Variants in ZHX2 observed in about 807,000 individuals in gnomAD.
ZHX2 encodes zinc fingers and homeoboxes protein 2.
ZHX2 carries 6 observed loss-of-function variants against 21.9 expected under a neutral mutation model. The ratio of observed to expected loss-of-function variants is 0.27; its 90% CI spans 0.15 to 0.54. The LOEUF is 0.54. ZHX2 is among the 20% of genes least tolerant of loss of function. The pLI, the probability that ZHX2 is intolerant of heterozygous loss-of-function variation, is 0.95. For missense variants in ZHX2, 908 were observed against 1,090.7 expected (o/e 0.83, Z 2.36); for synonymous variants, 434 against 437.1 (o/e 0.99, Z 0.09).
At chr8:122,918,101 C>A (rs530904058) in intron 2 of ZHX2, among the ~76,000 whole-genome samples, 41 of 152,250 alleles carry the variant, frequency 2.7e-4, no homozygotes, top group African/African-American at 9.4e-4. Flanking sequence ...TCACTTTGAC[C>A]CAGGCACCAT....
At chr8:122,859,959 A>T (rs915946455) in intron 1 of ZHX2, among the ~76,000 whole-genome samples, 13 of 152,352 alleles carry the variant, frequency 8.5e-5, no homozygotes, top group African/African-American at 2.6e-4. Flanking sequence ...TAAGTTCTAT[A>T]TTGACATTAG....
At chr8:122,948,252 G>A (rs1044905139) in intron 2 of ZHX2, among the ~76,000 whole-genome samples, 1 of 152,152 alleles carries the variant, frequency 6.6e-6, no homozygotes, top group African/African-American at 2.4e-5. Context: ...AGGCCCATGG[G>A]AGAGGCCAGA....
chr8:122,803,711 C>G (rs571563688), intron 1 of ZHX2, among the ~76,000 whole-genome samples: 3 of 152,224 alleles, frequency 2.0e-5, no homozygotes, highest in Admixed American at 2.0e-4. Flanking sequence ...GCCTTCTTCA[C>G]TCTCTGAAAT....
At chr8:122,916,381 G>A (rs779630724) in intron 2 of ZHX2, among the ~76,000 whole-genome samples, 15 of 152,220 alleles carry the variant, frequency 9.9e-5, no homozygotes, top group South Asian at 2.1e-4. Flanking sequence ...TCCCCTTGGC[G>A]CCTGGAGGAA....
chr8:122,934,222 A>G (rs1812617768), intron 2 of ZHX2, among the ~76,000 whole-genome samples: 1 of 152,204 alleles, frequency 6.6e-6, no homozygotes, highest in Non-Finnish European at 1.5e-5. Flanking sequence ...CCAACCTCCT[A>G]CAACTGGAAG....
rs1819535006 is a variant in ZHX2 at position 122,875,132 on chromosome 8, TATATATATATATATATA to T, written c.-220+11594_-220+11610del. On this transcript the variant is annotated intron_variant, in intron 2 of 3. Transcript: ENST00000314393. ...TTTTAGAGGAAGGAAAACTCTGTTA[TATATATATATATATATA>T]TATATATATATATATATATATATAT... Among the ~76,000 whole-genome samples, 570 of 96,700 alleles carry T rather than the reference TATATATATATATATATA, an allele frequency of 5.9e-3. 69 individuals carry two copies. The highest frequency in any genetic ancestry group is 0.011 in the Middle Eastern group (2 of 178). The allele number at this position is 96,700 out of a possible 152,430, so 63.4% of individuals were successfully genotyped here. A position where few individuals can be genotyped will look rare whatever the true frequency, so the allele number is the denominator to read the frequency against.
chr8:122,853,005 A>T (rs905828096), intron 1 of ZHX2, among the ~76,000 whole-genome samples: 1 of 152,152 alleles, frequency 6.6e-6, no homozygotes, highest in Non-Finnish European at 1.5e-5. Flanking sequence ...AGAGCCAAGG[A>T]TATTCCCATT....
intron 1 of ZHX2, 41 bp from the exon 2 acceptor site, chr8:122,863,436 G>A (rs1340441129): frequency 6.6e-6 from 1 of 152,512 alleles, no homozygotes. Flanking sequence ...ACACCCAATT[G>A]CTCTGCCCTG....
chr8:122,911,353 C>A (rs1318562857), intron 2 of ZHX2, among the ~76,000 whole-genome samples: 8 of 152,104 alleles, frequency 5.3e-5, no homozygotes, highest in African/African-American at 4.8e-5. Flanking sequence ...GTCTTCTCAG[C>A]CCCTCCCTGT....
intron 1 of ZHX2, among the ~76,000 whole-genome samples, chr8:122,820,502 G>A (rs1818122068): frequency 6.6e-6 from 1 of 152,208 alleles, no homozygotes; most frequent in South Asian, 2.1e-4. Flanking sequence ...TGTCACTGGA[G>A]AGTTGACAGT....
intron 2 of ZHX2, among the ~76,000 whole-genome samples, chr8:122,907,020 T>C (rs1820365993): frequency 6.6e-6 from 1 of 152,120 alleles, no homozygotes; most frequent in South Asian, 2.1e-4. Flanking sequence ...AAAATTTAAG[T>C]GGTTTCGACT....
intron 2 of ZHX2, among the ~76,000 whole-genome samples, chr8:122,894,695 T>C (rs1045710531): frequency 6.6e-6 from 1 of 152,122 alleles, no homozygotes; most frequent in African/African-American, 2.4e-5. Flanking sequence ...TACCTAATGT[T>C]AAATGACGAG....
chr8:122,971,611 C>CAAAAAA (rs56331425), intron 3 of ZHX2, among the ~76,000 whole-genome samples: 5,512 of 81,520 alleles, frequency 0.068, 405 homozygotes, highest in South Asian at 0.11. Context: ...GGCCCCTGTA[C>CAAAAAA]AAAAAAAAAA....
At chr8:122,854,344 G>A (rs12549062) in intron 1 of ZHX2, among the ~76,000 whole-genome samples, 43,640 of 152,128 alleles carry the variant, frequency 0.29, 6,571 homozygotes, top group South Asian at 0.37. Context: ...GTGCTCCAGG[G>A]TTCCACCCAG....
intron 2 of ZHX2, among the ~76,000 whole-genome samples, chr8:122,921,773 C>G (rs1371824939): frequency 6.6e-6 from 1 of 151,876 alleles, no homozygotes; most frequent in South Asian, 2.1e-4. Flanking sequence ...CAATGTATAC[C>G]TATATCAAAA....
chr8:122,885,219 G>T (rs117550615), intron 2 of ZHX2, among the ~76,000 whole-genome samples: 2 of 152,320 alleles, frequency 1.3e-5, no homozygotes, highest in East Asian at 3.9e-4. Context: ...CTGGCTCATG[G>T]AAGTCACTGG....
At chr8:122,877,332 G>C (rs1819595340) in intron 2 of ZHX2, among the ~76,000 whole-genome samples, 1 of 152,214 alleles carries the variant, frequency 6.6e-6, no homozygotes, top group Non-Finnish European at 1.5e-5. Flanking sequence ...AGCTAGGACT[G>C]CAAGTTCCCA....
intron 1 of ZHX2, among the ~76,000 whole-genome samples, chr8:122,814,312 G>A (rs1817987916): frequency 6.6e-6 from 1 of 152,212 alleles, no homozygotes; most frequent in African/African-American, 2.4e-5. Flanking sequence ...CTGTTTCACT[G>A]TTGGATTGCT....
chr8:122,932,832 A>AGCC (rs1821027603), intron 2 of ZHX2, among the ~76,000 whole-genome samples: 1 of 151,726 alleles, frequency 6.6e-6, no homozygotes, highest in Non-Finnish European at 1.5e-5. Flanking sequence ...TTTGAGGACC[A>AGCC]TTTTTCAGCC....
Sources: allele counts gnomAD v4.1 joint callset (sites outside exome capture counted in the v4.1 genomes callset), GRCh38; gene constraint gnomAD v4.1.1; transcripts MANE v1.5; gene names NCBI Gene and HGNC (gene_info 2026-07-23, HGNC 2026-07-21).